LEMD3: variants seen among roughly 807,000 people sequenced by gnomAD.
LEMD3 encodes the protein LEM domain containing 3.
Under a neutral mutation model 95.2 loss-of-function variants are expected in LEMD3, and 33 were observed. The ratio of observed to expected loss-of-function variants is 0.35; its 90% CI spans 0.26 to 0.46. The LOEUF (loss-of-function observed/expected upper bound fraction) is 0.46. LEMD3 is among the 20% of genes least tolerant of loss of function. The pLI is 1.00. For synonymous variants in LEMD3, 525 were observed against 474.6 expected (o/e 1.11, Z -1.38); for missense variants, 1,210 against 1,192.8 (o/e 1.01, Z -0.21).
intron 1 of LEMD3, among the ~76,000 whole-genome samples, chr12:65,201,985 G>T (rs1212663047): frequency 4.2e-5 from 6 of 143,558 alleles, no homozygotes; most frequent in Non-Finnish European, 9.2e-5. Flanking sequence ...TTTACTGAGA[G>T]TTTTTTTTGA....
intron 9 of LEMD3, among the ~76,000 whole-genome samples, chr12:65,243,067 C>G (rs1331522782): frequency 6.6e-6 from 1 of 152,084 alleles, no homozygotes; most frequent in Non-Finnish European, 1.5e-5. Flanking sequence ...TTCTTCAGTT[C>G]CCACATAAAT....
At chr12:65,245,381 C>T (rs575275897) in intron 10 of LEMD3, 16 of 348,374 alleles carry the variant, frequency 4.6e-5, no homozygotes, top group East Asian at 7.0e-5. Context: ...CCTCATGATC[C>T]GCCTGCCTCG....
In LEMD3 at chr12:65,246,311, C is replaced by G. The variant is rs1399391736; in HGVS notation, c.2722C>G (p.Gln908Glu). The G allele has an allele frequency of 2.5e-6, 4 of 1,612,730 alleles. No homozygotes were observed. The highest frequency in any genetic ancestry group is 2.5e-6 in the Non-Finnish European group (3 of 1,179,036). The change falls in exon 13 of 13, where the codon CAA (glutamine) becomes GAA (glutamate). Residue 908 changes from glutamine (Q) to glutamate (E), a missense_variant. By Grantham distance (29) the Gln-to-Glu change is conservative. Coordinates refer to ENST00000308330, the MANE Select transcript of LEMD3 (RefSeq NM_014319.5). ...LRLRTGLTNS[Q>E]GSS is the part of the protein sequence containing the mutation. Reference sequence around the variant, plus strand: ...TCTTCGGACTGGCCTAACCAATTCTCAAGGAAGTTCCTGAAAAGATTTTCT... The same window carrying G: ...TCTTCGGACTGGCCTAACCAATTCTGAAGGAAGTTCCTGAAAAGATTTTCT...
chr12:65,214,608 TA>T (rs1870044971), intron 2 of LEMD3, among the ~76,000 whole-genome samples: 1 of 152,152 alleles, frequency 6.6e-6, no homozygotes, highest in East Asian at 1.9e-4. Context: ...TCCCTGCACA[TA>T]CACCACAAAA....
chr12:65,231,236 G>A (rs1489522967), intron 4 of LEMD3, among the ~76,000 whole-genome samples: 4 of 151,938 alleles, frequency 2.6e-5, no homozygotes, highest in African/African-American at 4.8e-5. Context: ...AAAACCTGCC[G>A]TGGTTTGTCA....
intron 1 of LEMD3, among the ~76,000 whole-genome samples, chr12:65,189,511 A>C (rs560130363): frequency 7.2e-5 from 11 of 152,284 alleles, no homozygotes; most frequent in Non-Finnish European, 1.2e-4. Flanking sequence ...AGCAGGGATG[A>C]GTGTTGCCCA....
chr12:65,182,530 C>T (rs1303694559), intron 1 of LEMD3, among the ~76,000 whole-genome samples: 1 of 152,082 alleles, frequency 6.6e-6, no homozygotes, highest in Non-Finnish European at 1.5e-5. Context: ...TTAAACCTTT[C>T]AAGCTGTCTG....
chr12:65,169,755 G>A lies in LEMD3; in HGVS notation c.159G>A (p.Gln53=), dbSNP rs777625988. The change falls in exon 1 of 13, where the codon CAG becomes CAA. Residue 53 remains glutamine, a synonymous_variant. Coordinates refer to ENST00000308330, the MANE Select transcript of LEMD3 (RefSeq NM_014319.5). ...AGCTTCGAGAGGAAGAGCAGCAACAGCACCGGTCAGGGGGCCGCGGCAACA... is the reference window on the plus strand; with the variant it reads ...AGCTTCGAGAGGAAGAGCAGCAACAACACCGGTCAGGGGGCCGCGGCAACA... ...LKKLREEEQQ[Q]HRSGGRGNKT... 7 of 1,591,816 alleles carry A rather than the reference G, an allele frequency of 4.4e-6. No homozygotes were observed. Among genetic ancestry groups the A allele is most frequent in the East Asian group, 4.5e-5 (2 of 44,028 alleles).
chr12:65,190,418 A>G (rs542298620), intron 1 of LEMD3, among the ~76,000 whole-genome samples: 2 of 152,254 alleles, frequency 1.3e-5, no homozygotes, highest in South Asian at 4.1e-4. Flanking sequence ...TAGGAAACAT[A>G]TACAGTCTAT....
intron 8 of LEMD3, 99 bp from the exon 9 acceptor site, chr12:65,240,810 G>A (rs966431372): frequency 3.8e-6 from 4 of 1,050,808 alleles, no homozygotes; most frequent in African/African-American, 3.2e-5. Flanking sequence ...ATGAGTAGTG[G>A]TAAGAACAGC....
At chr12:65,232,645 G>A (rs141584547) in intron 4 of LEMD3, among the ~76,000 whole-genome samples, 20 of 152,050 alleles carry the variant, frequency 1.3e-4, no homozygotes, top group Non-Finnish European at 2.4e-4. Flanking sequence ...TAAAAAACTC[G>A]TTGTTTTTGA....
At chr12:65,208,789 G>GA (rs1035452432) in intron 1 of LEMD3, among the ~76,000 whole-genome samples, 1 of 151,970 alleles carries the variant, frequency 6.6e-6, no homozygotes, top group Non-Finnish European at 1.5e-5. Context: ...AGCATTTGGG[G>GA]AAAAAAATTT....
At chr12:65,199,206 A>G (rs1038499016) in intron 1 of LEMD3, among the ~76,000 whole-genome samples, 26 of 152,124 alleles carry the variant, frequency 1.7e-4, no homozygotes, top group African/African-American at 5.6e-4. Context: ...AATTCTATCA[A>G]ACATTCTTTT....
intron 3 of LEMD3, among the ~76,000 whole-genome samples, chr12:65,217,342 T>G (rs1472360550): frequency 6.6e-6 from 1 of 152,214 alleles, no homozygotes; most frequent in East Asian, 1.9e-4. Flanking sequence ...ATTTGACCCA[T>G]GGGCTGTAAT....
At chr12:65,213,520 C>T (rs562871660) in intron 2 of LEMD3, among the ~76,000 whole-genome samples, 52 of 152,276 alleles carry the variant, frequency 3.4e-4, no homozygotes, top group African/African-American at 1.0e-3. Context: ...CCACCGCACC[C>T]GGCCTTAAAT....
chr12:65,172,550 G>A (rs561374624), intron 1 of LEMD3, among the ~76,000 whole-genome samples: 1 of 152,090 alleles, frequency 6.6e-6, no homozygotes, highest in East Asian at 1.9e-4. Flanking sequence ...TCTCACTTTA[G>A]TTTATTCCCT....
intron 1 of LEMD3, among the ~76,000 whole-genome samples, chr12:65,198,305 A>G (rs6581617): frequency 6.6e-6 from 1 of 152,004 alleles, no homozygotes; most frequent in African/African-American, 2.4e-5. Flanking sequence ...CAAGTTAGCT[A>G]TTGCACAGAT....
chr12:65,238,442 A>G (rs1592462077), intron 4 of LEMD3, 60 bp from the exon 5 acceptor site: 4 of 1,012,558 alleles, frequency 4.0e-6, no homozygotes, highest in Non-Finnish European at 6.2e-6. Context: ...TATAAAGGAT[A>G]CTTTACAGAG....
At chr12:65,173,678 A>G (rs1057272778) in intron 1 of LEMD3, among the ~76,000 whole-genome samples, 3 of 152,240 alleles carry the variant, frequency 2.0e-5, no homozygotes, top group African/African-American at 7.2e-5. Context: ...AAACTACAGT[A>G]TATCTAGAGA....
Sources: allele counts gnomAD v4.1 joint callset (sites outside exome capture counted in the v4.1 genomes callset), GRCh38; gene constraint gnomAD v4.1.1; transcripts MANE v1.5; gene names NCBI Gene and HGNC (gene_info 2026-07-23, HGNC 2026-07-21).